Variants in TP53BP1 observed in about 807,000 individuals in gnomAD.
TP53BP1 encodes the protein TP53-binding protein 1.
TP53BP1 carries 61 observed loss-of-function variants against 200.8 expected under a neutral mutation model. The ratio of observed to expected loss-of-function variants is 0.30; its 90% CI spans 0.25 to 0.38. The LOEUF is 0.38. Ranked by LOEUF, TP53BP1 falls within the 10% of genes least tolerant of loss-of-function variation. The pLI is 1.00. For synonymous variants in TP53BP1, 822 were observed against 844.3 expected, an observed-to-expected ratio of 0.97 and a Z score of 0.46; for missense variants, 2,144 against 2,371.9, an observed-to-expected ratio of 0.90 and a Z score of 2.00.
Position 43,403,787 on chromosome 15 carries a change from C to T in TP53BP1, c.*3596G>A. 6.2e-7 allele frequency: 1 copy of T among 1,613,672 alleles called. No homozygotes were observed. Among genetic ancestry groups the T allele is most frequent in the Non-Finnish European group, 8.5e-7 (1 of 1,179,658 alleles). The stretch of plus-strand genomic sequence containing the variant: ...ATGAGCGTGGAGCCGCCCAGCTGAG[C>T]ATTCTCGTGAAGGTGCGTCTGCCTG... On this transcript the variant is annotated 3_prime_UTR_variant, in exon 28 of 28. Transcript: ENST00000382044.
In TP53BP1 at chr15:43,432,418, T is replaced by G. The variant is rs763914628; in HGVS notation, c.3451A>C (p.Arg1151=). The G allele has an allele frequency of 6.2e-7, 1 of 1,614,218 alleles. No individual in the cohort carries two copies. The highest frequency in any genetic ancestry group is 8.5e-7 in the Non-Finnish European group (1 of 1,180,030). The change falls in exon 17 of 28, where the codon AGG becomes CGG. Residue 1151 remains arginine, a synonymous_variant. Coordinates refer to ENST00000382044, the MANE Select transcript of TP53BP1 (RefSeq NM_001141980.3). ...ATTCCTATGTTATTTTGGCTGGGCC[T>G]TTCAATCAAGGCCTTACTAGGATTT... ...KENPSKALIE[R]PSQNNIGIQT... is the part of the protein sequence containing the mutation.
intron 4 of TP53BP1, among the ~76,000 whole-genome samples, chr15:43,484,001 C>A (rs746096225): frequency 2.6e-5 from 4 of 152,196 alleles, no homozygotes; most frequent in Non-Finnish European, 5.9e-5. Flanking sequence ...CTGGCCTAGA[C>A]TTTTCCCTCT....
At chr15:43,437,053 G>A (rs920310746) in intron 16 of TP53BP1, among the ~76,000 whole-genome samples, 2 of 152,062 alleles carry the variant, frequency 1.3e-5, no homozygotes, top group Non-Finnish European at 2.9e-5. Flanking sequence ...TAGCCACTCA[G>A]GGGGTTCAGG....
At chr15:43,466,903 A>G (rs1345059533) in intron 11 of TP53BP1, among the ~76,000 whole-genome samples, 1 of 152,188 alleles carries the variant, frequency 6.6e-6, no homozygotes. Flanking sequence ...ATGGAGGTAA[A>G]TACCAAAAGA....
Position 43,403,999 on chromosome 15 carries a change from T to C in TP53BP1, c.*3384A>G, listed in dbSNP as rs1375778160. Reference sequence around the variant, plus strand: ...TGTGCCACCTCACAGTGCTCAAAAATAGTTCAGTCCTGAATAGTTTATTCA... The same window carrying C: ...TGTGCCACCTCACAGTGCTCAAAAACAGTTCAGTCCTGAATAGTTTATTCA... On this transcript the variant is annotated 3_prime_UTR_variant, in exon 28 of 28. Transcript: ENST00000382044. 1.7e-6 allele frequency: 1 copy of C among 585,954 alleles called. No homozygotes were observed. The highest frequency in any genetic ancestry group is 2.1e-5 in the South Asian group (1 of 47,754). 36.3% of individuals were successfully genotyped at this position (585,954 alleles called of 1,614,324 possible).
intron 4 of TP53BP1, among the ~76,000 whole-genome samples, chr15:43,487,294 T>G (rs1048016158): frequency 1.3e-5 from 2 of 149,848 alleles, no homozygotes; most frequent in East Asian, 3.9e-4. Flanking sequence ...ATGGCTAAAA[T>G]AAAAAATACT....
chr15:43,498,632 A>G (rs1276711729), intron 1 of TP53BP1, among the ~76,000 whole-genome samples: 1 of 152,232 alleles, frequency 6.6e-6, no homozygotes. Flanking sequence ...AGACAAAACC[A>G]TTAAATGTAA....
At chr15:43,469,768 C>T (rs1266573705) in intron 11 of TP53BP1, 90 bp downstream of exon 11, 7 of 1,053,046 alleles carry the variant, frequency 6.6e-6, no homozygotes, top group South Asian at 2.9e-5. Flanking sequence ...ACATTTAAAA[C>T]GTGTGAATTT....
rs932156585 is a variant in TP53BP1 at position 43,441,385 on chromosome 15, A to T, written c.3098+141T>A. ...GTATTAACTAAAAAGTCTATGATCC[A>T]TTCAAAACATTGCTAAATCCTTTAT... is the stretch of plus-strand genomic sequence containing the variant. On this transcript the variant is annotated intron_variant, in intron 15 of 27. Transcript: ENST00000382044. 1.3e-4 allele frequency: 89 copies of T among 679,924 alleles called. 1 individual carries two copies. In the South Asian group the frequency reaches 1.5e-3, roughly 12 times the overall value. 42.1% of individuals were successfully genotyped at this position (679,924 alleles called of 1,614,324 possible). A position where few individuals can be genotyped will look rare whatever the true frequency, so the allele number is the denominator to read the frequency against.
rs753753003 is a variant in TP53BP1, at chr15:43,416,352, T to C, written c.4746A>G (p.Gln1582=). The C allele has an allele frequency of 1.9e-6, 3 of 1,614,116 alleles. No homozygotes were observed. Among genetic ancestry groups the C allele is most frequent in the South Asian group, 1.1e-5 (1 of 91,094 alleles). Residue 1582 remains glutamine (Q), a synonymous_variant, in exon 22 of 28, where the codon CAA becomes CAG. Transcript: ENST00000382044. ...CAGCCATTCGCTTATACCACTTTCT[T>C]TGGCCTTCTTTTTCAATGCTGTAGT... ...ELYYSIEKEG[Q]RKWYKRMAVI...
At chr15:43,427,855 G>T (rs1266655005) in intron 18 of TP53BP1, among the ~76,000 whole-genome samples, 161 bp downstream of exon 18, 1 of 151,868 alleles carries the variant, frequency 6.6e-6, no homozygotes, top group African/African-American at 2.4e-5. Flanking sequence ...TGCAAGGGAG[G>T]CTGAGGCAGA....
intron 1 of TP53BP1, among the ~76,000 whole-genome samples, chr15:43,503,836 A>G (rs74950558): frequency 6.6e-6 from 1 of 152,004 alleles, no homozygotes; most frequent in Non-Finnish European, 1.5e-5. Flanking sequence ...GATTCAACCA[A>G]CCATGAATTG....
At chr15:43,454,363 A>G (rs1467336119) in intron 12 of TP53BP1, among the ~76,000 whole-genome samples, 3 of 136,898 alleles carry the variant, frequency 2.2e-5, no homozygotes, top group Admixed American at 1.4e-4. Flanking sequence ...TTACATTATA[A>G]TAACTCTTTT....
At chr15:43,451,393 T>C (rs1356286064) in intron 12 of TP53BP1, among the ~76,000 whole-genome samples, 2 of 151,830 alleles carry the variant, frequency 1.3e-5, no homozygotes, top group Non-Finnish European at 2.9e-5. Flanking sequence ...GTCCATGTGT[T>C]CTCATTGTTC....
upstream of TP53BP1, among the ~76,000 whole-genome samples, chr15:43,497,998 AATGT>A (rs2079190810): frequency 6.6e-6 from 1 of 152,198 alleles, no homozygotes; most frequent in African/African-American, 2.4e-5. Flanking sequence ...GCAATAAAAG[AATGT>A]ATGGTTAATT....
rs2044912294 is a variant in TP53BP1, at chr15:43,406,898, C to T, written c.*485G>A. On this transcript the variant is annotated 3_prime_UTR_variant, in exon 28 of 28. Transcript: ENST00000382044. ...ACCCACAGGTGAGCTGTGATCTCAG[C>T]TCAGAGAGAGAGCATGAGGTCTTTT... 3.8e-6 allele frequency: 1 copy of T among 261,318 alleles called. No individual in the cohort carries two copies. The highest frequency in any genetic ancestry group is 2.3e-5 in the African/African-American group (1 of 44,372). The allele number at this position is 261,318 out of a possible 1,614,324, so 16.2% of individuals were successfully genotyped here.
chr15:43,494,717 T>C (rs773943855), upstream of TP53BP1, among the ~76,000 whole-genome samples: 2 of 152,230 alleles, frequency 1.3e-5, no homozygotes, highest in Non-Finnish European at 2.9e-5. Context: ...TCATCTGCTC[T>C]ATTTGAGAGG....
At chr15:43,464,666 G>A (rs2046524475) in intron 11 of TP53BP1, among the ~76,000 whole-genome samples, 1 of 152,120 alleles carries the variant, frequency 6.6e-6, no homozygotes, top group South Asian at 2.1e-4. Context: ...CACTTTGGGA[G>A]GCCGAGACAG....
intron 4 of TP53BP1, among the ~76,000 whole-genome samples, chr15:43,484,303 A>G (rs1489398594): frequency 6.6e-6 from 1 of 152,178 alleles, no homozygotes; most frequent in Non-Finnish European, 1.5e-5. Flanking sequence ...CCCTTTTCAA[A>G]TACTCAGAAT....
Sources: allele counts gnomAD v4.1 joint callset (sites outside exome capture counted in the v4.1 genomes callset), GRCh38; gene constraint gnomAD v4.1.1; transcripts MANE v1.5; gene names NCBI Gene and HGNC (gene_info 2026-07-23, HGNC 2026-07-21).